RP1: variants seen among roughly 807,000 people sequenced by gnomAD.
RP1 encodes the protein RP1 axonemal microtubule associated.
Under a neutral mutation model 14.8 loss-of-function variants are expected in RP1, and 16 were observed. The ratio of observed to expected loss-of-function variants is 1.08; its 90% CI spans 0.73 to 1.65. The LOEUF (loss-of-function observed/expected upper bound fraction) is 1.65. Ranked by LOEUF, RP1 falls within the 40% of genes most tolerant of loss-of-function variation. The pLI is 0.00. For synonymous variants in RP1, 876 were observed against 883.6 expected, an observed-to-expected ratio of 0.99 and a Z score of 0.15; for missense variants, 2,631 against 2,535.0, an observed-to-expected ratio of 1.04 and a Z score of -0.81.
At chr8:54,753,928 A>G (rs1809437075) in intron 19 of RP1, among the ~76,000 whole-genome samples, 1 of 152,194 alleles carries the variant, frequency 6.6e-6, no homozygotes, top group South Asian at 2.1e-4. Flanking sequence ...GAGGAAATTG[A>G]GGAGGGACAG....
chr8:54,798,168 C>T (rs1225070453), intron 24 of RP1, among the ~76,000 whole-genome samples: 1 of 152,050 alleles, frequency 6.6e-6, no homozygotes, highest in Non-Finnish European at 1.5e-5. Context: ...CACGTGCCAC[C>T]ACGCCCGGCT....
At chr8:54,703,517 AC>A (rs890255063) in intron 14 of RP1, among the ~76,000 whole-genome samples, 6 of 152,182 alleles carry the variant, frequency 3.9e-5, no homozygotes, top group Non-Finnish European at 8.8e-5. Context: ...TTTCTAGAGC[AC>A]AGGTAGAGTA....
At chr8:54,693,974 T>G (rs985372721) in intron 12 of RP1, among the ~76,000 whole-genome samples, 3 of 152,172 alleles carry the variant, frequency 2.0e-5, no homozygotes, top group Non-Finnish European at 4.4e-5. Flanking sequence ...ATAGCTCTTA[T>G]TATTTTGAGA....
chr8:54,645,437 G>A (rs1158366061), intron 3 of RP1, among the ~76,000 whole-genome samples: 2 of 152,038 alleles, frequency 1.3e-5, no homozygotes, highest in African/African-American at 4.8e-5. Context: ...TCTCATTGTG[G>A]TTTTAGCTTA....
At chr8:54,794,045 T>G (rs1347578234) in intron 24 of RP1, among the ~76,000 whole-genome samples, 1 of 151,886 alleles carries the variant, frequency 6.6e-6, no homozygotes, top group Non-Finnish European at 1.5e-5. Flanking sequence ...TAAGTCATTG[T>G]TGAAAGAAAT....
At chr8:54,777,057 A>G (rs546155274) in intron 23 of RP1, among the ~76,000 whole-genome samples, 111 of 152,334 alleles carry the variant, frequency 7.3e-4, no homozygotes, top group African/African-American at 2.6e-3. Context: ...TTGGGAAATC[A>G]CTGTATTTCT....
At chr8:54,766,045 A>T (rs963108546) in intron 22 of RP1, among the ~76,000 whole-genome samples, 1 of 152,168 alleles carries the variant, frequency 6.6e-6, no homozygotes, top group Non-Finnish European at 1.5e-5. Context: ...AGGACGATGG[A>T]TGGAAAACAC....
At chr8:54,663,758 A>T (rs1420586538) in exon 7 of RP1, 4 of 1,535,210 alleles carry the variant, frequency 2.6e-6, no homozygotes, top group Non-Finnish European at 3.5e-6. Context: ...AACAGTAGCA[A>T]ACGTCTACAT....
At chr8:54,595,619 T>C (rs1805125264) in intron 1 of RP1, among the ~76,000 whole-genome samples, 1 of 152,246 alleles carries the variant, frequency 6.6e-6, no homozygotes, top group Admixed American at 6.5e-5. Flanking sequence ...CAATAATTTA[T>C]TTGAAATCTC....
chr8:54,792,936 T>C (rs1246679467), intron 24 of RP1, among the ~76,000 whole-genome samples: 1 of 151,742 alleles, frequency 6.6e-6, no homozygotes, highest in Non-Finnish European at 1.5e-5. Context: ...CTTAAGCCTC[T>C]AGCTAGACTA....
chr8:54,869,252 G>A (rs1812525106), intron 28 of RP1, among the ~76,000 whole-genome samples: 1 of 152,170 alleles, frequency 6.6e-6, no homozygotes, highest in African/African-American at 2.4e-5. Flanking sequence ...AGCCACATAT[G>A]TCTACTGAAC....
intron 24 of RP1, among the ~76,000 whole-genome samples, chr8:54,806,407 A>G (rs1810854449): frequency 6.6e-6 from 1 of 152,118 alleles, no homozygotes; most frequent in African/African-American, 2.4e-5. Flanking sequence ...TATCTTAGTT[A>G]GAGCTGATTT....
intron 25 of RP1, among the ~76,000 whole-genome samples, chr8:54,846,125 A>C (rs1225294994): frequency 6.6e-6 from 1 of 152,212 alleles, no homozygotes; most frequent in Non-Finnish European, 1.5e-5. Context: ...TTCTTGGCCG[A>C]AGAAGAATAT....
intron 15 of RP1, among the ~76,000 whole-genome samples, chr8:54,706,856 C>T (rs1808163112): frequency 6.6e-6 from 1 of 152,074 alleles, no homozygotes. Context: ...TAGATAGGGC[C>T]TCTGAAATGT....
intron 4 of RP1, among the ~76,000 whole-genome samples, chr8:54,651,081 T>A (rs1806647434): frequency 6.6e-6 from 1 of 152,118 alleles, no homozygotes; most frequent in Non-Finnish European, 1.5e-5. Flanking sequence ...TTCCCTCTAT[T>A]TTATTTACGT....
downstream of RP1, among the ~76,000 whole-genome samples, chr8:54,771,431 A>G (rs1243727997): frequency 6.6e-6 from 1 of 152,084 alleles, no homozygotes; most frequent in African/African-American, 2.4e-5. Context: ...TCAATAATGT[A>G]AGACATGTAA....
At chr8:54,721,373 A>G (rs1376148430) in intron 16 of RP1, among the ~76,000 whole-genome samples, 1 of 152,240 alleles carries the variant, frequency 6.6e-6, no homozygotes, top group African/African-American at 2.4e-5. Flanking sequence ...GTGACTTCAA[A>G]GCTAGCAGAA....
At chr8:54,780,723 G>A (rs1261105369) in intron 23 of RP1, among the ~76,000 whole-genome samples, 1 of 152,140 alleles carries the variant, frequency 6.6e-6, no homozygotes, top group Non-Finnish European at 1.5e-5. Context: ...AAGGATGTGT[G>A]TATGTTATAC....
intron 1 of RP1, among the ~76,000 whole-genome samples, chr8:54,620,278 C>G (rs1805822475): frequency 6.6e-6 from 1 of 152,152 alleles, no homozygotes; most frequent in Non-Finnish European, 1.5e-5. Context: ...GATTATAATA[C>G]CATATTTTGA....
Sources: allele counts gnomAD v4.1 joint callset (sites outside exome capture counted in the v4.1 genomes callset), GRCh38; gene constraint gnomAD v4.1.1; transcripts MANE v1.5; gene names NCBI Gene and HGNC (gene_info 2026-07-23, HGNC 2026-07-21).